Variants in SMAD7 observed in about 807,000 individuals in gnomAD.
The protein encoded by SMAD7 is MAD (mothers against decapentaplegic, Drosophila) homolog 7.
SMAD7 carries 8 observed loss-of-function variants against 38.7 expected under a neutral mutation model. That is an observed-to-expected ratio of 0.21 (90% CI 0.12 to 0.37). The LOEUF is 0.37. Ranked by LOEUF, SMAD7 falls within the 10% of genes least tolerant of loss-of-function variation. The probability of loss-of-function intolerance (pLI) is 1.00; values close to 1 mark genes in which losing one functional copy is unlikely to be tolerated. For missense variants in SMAD7, 477 were observed against 577.9 expected (o/e 0.83, Z 1.79); for synonymous variants, 327 against 265.1 (o/e 1.23, Z -2.27).
intron 3 of SMAD7, among the ~76,000 whole-genome samples, chr18:48,933,020 C>T (rs1346376024): frequency 6.6e-6 from 1 of 152,176 alleles, no homozygotes; most frequent in Non-Finnish European, 1.5e-5. Flanking sequence ...CAGGTACTAC[C>T]AGGGTCTGGA....
chr18:48,926,846 C>A (rs2069934594), intron 3 of SMAD7, among the ~76,000 whole-genome samples: 1 of 152,208 alleles, frequency 6.6e-6, no homozygotes, highest in Admixed American at 6.5e-5. Flanking sequence ...AGGAAATTGG[C>A]TGTTCTGATA....
At chr18:48,935,316 C>T (rs766090742) in intron 3 of SMAD7, among the ~76,000 whole-genome samples, 1 of 152,192 alleles carries the variant, frequency 6.6e-6, no homozygotes, top group Admixed American at 6.5e-5. Context: ...GAAAATAGCC[C>T]GGAGAGGAAG....
rs909089191 is a variant in SMAD7 at position 48,947,940 on chromosome 18, T to C, written c.667+444A>G. On this transcript the variant is annotated intron_variant, in intron 2 of 3. Coordinates refer to ENST00000262158, the MANE Select transcript of SMAD7 (RefSeq NM_005904.4). ...TGTTGCCTATACTTCTGAAAAGTTC[T>C]AGTGTCTACTCCAGACCAAAGTCTT... Among the ~76,000 whole-genome samples, 9 of 140,094 alleles carry C rather than the reference T, an allele frequency of 6.4e-5. 1 individual carries two copies. Among genetic ancestry groups the C allele is most frequent in the African/African-American group, 1.8e-4 (7 of 37,876 alleles). The allele number at this position is 140,094 out of a possible 152,430, so 91.9% of individuals were successfully genotyped here.
At chr18:48,926,021 T>A (rs972299942) in intron 3 of SMAD7, among the ~76,000 whole-genome samples, 1 of 152,230 alleles carries the variant, frequency 6.6e-6, no homozygotes, top group Non-Finnish European at 1.5e-5. Context: ...GCTGGGATTA[T>A]AGGCGTGAGC....
In SMAD7 at chr18:48,942,338, C is replaced by T. The variant is rs564147825; in HGVS notation, c.742+143G>A. 490 of 647,592 alleles carry T rather than the reference C, an allele frequency of 7.6e-4. 1 individual carries two copies. Among genetic ancestry groups the T allele is most frequent in the Non-Finnish European group, 1.0e-3 (367 of 365,758 alleles). The allele number at this position is 647,592 out of a possible 1,614,324, so 40.1% of individuals were successfully genotyped here. On this transcript the variant is annotated intron_variant, in intron 3 of 3. Transcript: ENST00000262158. ...GCTGAAGGGCACCACAATGTCACCA[C>T]CGATGCATCCAACTTAAGGCATATA...
intron 2 of SMAD7, among the ~76,000 whole-genome samples, chr18:48,947,241 G>T (rs546683459): frequency 6.6e-6 from 1 of 152,182 alleles, no homozygotes; most frequent in Non-Finnish European, 1.5e-5. Flanking sequence ...AAGCAGGAAC[G>T]CCTTCCCAAC....
chr18:48,935,469 G>A (rs1042891423), intron 3 of SMAD7, among the ~76,000 whole-genome samples: 7 of 152,096 alleles, frequency 4.6e-5, no homozygotes, highest in African/African-American at 1.7e-4. Flanking sequence ...AGGGTGCCCG[G>A]GCCAGTCACC....
rs1040229435 is a variant in SMAD7, at chr18:48,950,561, G to A, written c.-137C>T. On this transcript the variant is annotated 5_prime_UTR_variant, in exon 1 of 4. Coordinates refer to ENST00000262158, the MANE Select transcript of SMAD7 (RefSeq NM_005904.4). ...GCAGCAGCAGCAGGGGCCCGGGCAG[G>A]AGCGGCGGCGGCCCGAGGGGCGCTC... 1.9e-4 allele frequency: 153 copies of A among 787,390 alleles called. No homozygotes were observed. The highest frequency in any genetic ancestry group is 2.7e-4 in the Non-Finnish European group (150 of 558,032). 48.8% of individuals were successfully genotyped at this position (787,390 alleles called of 1,614,324 possible).
At position 48,948,567 on chromosome 18, in the gene SMAD7, G is replaced by A. The variant is rs970397464; in HGVS notation, c.614-130C>T. 7 of 588,342 alleles carry A rather than the reference G, an allele frequency of 1.2e-5. No homozygotes were observed. The Admixed American group carries it at 2.8e-4, about 23-fold the overall frequency. 36.4% of individuals were successfully genotyped at this position (588,342 alleles called of 1,614,324 possible). ...GTGGGGGTTGGAGGCAGGGCCGCGA[G>A]GCGGTGATTGCCTTGATATTTAGCT... On this transcript the variant is annotated intron_variant, in intron 1 of 3. Transcript: ENST00000262158.
intron 3 of SMAD7, among the ~76,000 whole-genome samples, chr18:48,931,469 T>A (rs1243209817): frequency 2.6e-5 from 4 of 152,200 alleles, no homozygotes; most frequent in Non-Finnish European, 5.9e-5. Context: ...CCCCTGCAGA[T>A]GTATACAAAT....
chr18:48,943,880 C>G (rs963934928), intron 2 of SMAD7, among the ~76,000 whole-genome samples: 2 of 152,186 alleles, frequency 1.3e-5, no homozygotes, highest in Non-Finnish European at 2.9e-5. Flanking sequence ...CAGGGTCACT[C>G]CCTCTCCCAC....
chr18:48,932,919 T>C (rs949837670), intron 3 of SMAD7, among the ~76,000 whole-genome samples: 1 of 152,218 alleles, frequency 6.6e-6, no homozygotes, highest in Admixed American at 6.5e-5. Context: ...AGACATTAGA[T>C]ACTGTCTTTC....
At chr18:48,922,724 T>A (rs183518077) in intron 3 of SMAD7, among the ~76,000 whole-genome samples, 119 of 151,800 alleles carry the variant, frequency 7.8e-4, no homozygotes, top group African/African-American at 2.8e-3. Flanking sequence ...AATAGATGCG[T>A]CCCCCTTCTC....
At chr18:48,935,190 C>T (rs1349607785) in intron 3 of SMAD7, among the ~76,000 whole-genome samples, 1 of 152,062 alleles carries the variant, frequency 6.6e-6, no homozygotes, top group Non-Finnish European at 1.5e-5. Flanking sequence ...GCCGAGTCCC[C>T]CAAGTGAGCC....
intron 1 of SMAD7, chr18:48,949,260 C>A (rs1568306917): frequency 3.0e-6 from 3 of 984,608 alleles, no homozygotes; most frequent in Non-Finnish European, 3.6e-6. Flanking sequence ...CTCTCTTTGC[C>A]CCAAAACTCC....
intron 3 of SMAD7, among the ~76,000 whole-genome samples, chr18:48,932,560 G>A (rs922820140): frequency 6.6e-6 from 1 of 152,162 alleles, no homozygotes. Flanking sequence ...TTTCTTCCTG[G>A]TGGGGCTTCA....
Position 48,949,826 on chromosome 18 carries a change from C to A in SMAD7, c.599G>T (p.Arg200Leu). 1 of 1,609,384 alleles carries A rather than the reference C, an allele frequency of 6.2e-7. No homozygotes were observed. Among genetic ancestry groups the A allele is most frequent in the South Asian group, 1.1e-5 (1 of 90,454 alleles). The change falls in exon 1 of 4, where the codon CGA (arginine) becomes CTA (leucine). Residue 200 changes from arginine to leucine, a missense_variant. By Grantham distance (102) the Arg-to-Leu change is moderately radical. This residue lies in a region of SMAD7 where 376 missense variants were observed against 379.4 expected (regional missense o/e 0.99). Coordinates refer to ENST00000262158, the MANE Select transcript of SMAD7 (RefSeq NM_005904.4). ...LVCCNPHHLSRLCELESPPPP... is the reference protein window; with the variant it reads ...LVCCNPHHLSLLCELESPPPP... ...CAACTTCTCACCTAGTTCGCAGAGT[C>A]GGCTAAGGTGATGGGGGTTGCAGCA...
chr18:48,938,579 A>G (rs2070098189), intron 3 of SMAD7, among the ~76,000 whole-genome samples: 1 of 152,184 alleles, frequency 6.6e-6, no homozygotes, highest in Non-Finnish European at 1.5e-5. Context: ...ATTCATATAT[A>G]AAGGAGGAGG....
chr18:48,937,610 C>T (rs1055190522), intron 3 of SMAD7, among the ~76,000 whole-genome samples: 5 of 152,160 alleles, frequency 3.3e-5, no homozygotes, highest in South Asian at 4.1e-4. Flanking sequence ...GCAGAAGAGG[C>T]GGGGTCCAGG....
Sources: gnomAD v4.1 joint callset for allele counts (sites outside exome capture counted in the v4.1 genomes callset) on GRCh38, gnomAD v4.1.1 for gene constraint, gnomAD v4.1.1 regional missense constraint, MANE v1.5 for transcripts, NCBI Gene and HGNC (gene_info 2026-07-23, HGNC 2026-07-21) for gene names.